The following GABRR3 variants were observed in gnomAD, a reference collection of about 807,000 sequenced individuals.
GABRR3 encodes the protein gamma-aminobutyric acid receptor subunit rho-3.
GABRR3 carries 29 observed loss-of-function variants against 43.2 expected under a neutral mutation model. That is an observed-to-expected ratio of 0.67 (90% CI 0.50 to 0.92). The LOEUF (loss-of-function observed/expected upper bound fraction) is 0.92. Ranked by LOEUF, GABRR3 falls within the 40% of genes least tolerant of loss-of-function variation. The pLI is 0.00. For synonymous variants in GABRR3, 206 were observed against 195.9 expected (o/e 1.05, Z -0.43); for missense variants, 576 against 572.3 (o/e 1.01, Z -0.07).
intron 7 of GABRR3, among the ~76,000 whole-genome samples, chr3:98,004,119 A>T (rs1706692027): frequency 6.6e-6 from 1 of 152,140 alleles, no homozygotes; most frequent in Admixed American, 6.6e-5. Flanking sequence ...GACAAGAATA[A>T]AGAAGGTTTT....
intron 3 of GABRR3, 77 bp from the exon 4 acceptor site, chr3:98,017,799 A>C: frequency 1.9e-6 from 2 of 1,038,486 alleles, no homozygotes; most frequent in Non-Finnish European, 1.4e-6. Flanking sequence ...AGAGAGATTA[A>C]TTCTCTTGGA....
chr3:98,005,557 G>A (rs1706714509), intron 7 of GABRR3, among the ~76,000 whole-genome samples: 1 of 152,102 alleles, frequency 6.6e-6, no homozygotes, highest in Non-Finnish European at 1.5e-5. Flanking sequence ...TTCCATGCCA[G>A]TATTTTCCTG....
chr3:98,011,401 G>A (rs555380005), intron 5 of GABRR3, among the ~76,000 whole-genome samples: 6 of 152,262 alleles, frequency 3.9e-5, no homozygotes, highest in Non-Finnish European at 7.4e-5. Context: ...TTAGCTCTAG[G>A]GGGAAAATCC....
intron 7 of GABRR3, among the ~76,000 whole-genome samples, chr3:98,004,565 T>C (rs1706699334): frequency 1.3e-5 from 2 of 151,826 alleles, no homozygotes; most frequent in South Asian, 4.1e-4. Context: ...TTATAGTGCA[T>C]GATTTTGAGA....
intron 7 of GABRR3, among the ~76,000 whole-genome samples, chr3:98,006,768 G>C: frequency 6.6e-6 from 1 of 152,224 alleles, no homozygotes; most frequent in Middle Eastern, 3.2e-3. Context: ...GGGAATGATA[G>C]TGGAGGGTGA....
At chr3:98,004,152 C>G (rs1449276822) in intron 7 of GABRR3, among the ~76,000 whole-genome samples, 1 of 152,064 alleles carries the variant, frequency 6.6e-6, no homozygotes, top group Non-Finnish European at 1.5e-5. Flanking sequence ...CAGTCACCTT[C>G]AATGGCCCTT....
intron 8 of GABRR3, chr3:97,998,493 C>A (rs1279784563): frequency 1.3e-5 from 2 of 152,116 alleles, no homozygotes; most frequent in Non-Finnish European, 2.9e-5. Flanking sequence ...GGATTGTAAT[C>A]TAACAGAGTA....
rs770533657 is a variant in GABRR3 at position 98,001,582 on chromosome 3, G to A, written c.907+33C>T. 5 of 1,610,132 alleles carry A rather than the reference G, an allele frequency of 3.1e-6. No individual in the cohort carries two copies. In the African/African-American group the frequency reaches 5.4e-5, roughly 17 times the overall value. Reference sequence around the variant, plus strand: ...TTACCTCCCTTGAACTTTCTCCCATGTTAACATTTTATAAAGATGGGGAAA... The same window carrying A: ...TTACCTCCCTTGAACTTTCTCCCATATTAACATTTTATAAAGATGGGGAAA... On this transcript the variant is annotated intron_variant, in intron 8 of 9. Transcript: ENST00000621172.
intron 9 of GABRR3, among the ~76,000 whole-genome samples, chr3:97,988,021 C>T (rs969492295): frequency 1.3e-5 from 2 of 151,898 alleles, no homozygotes; most frequent in African/African-American, 4.8e-5. Flanking sequence ...AGGAGTGAGG[C>T]AACACCAACA....
At chr3:98,000,568 T>C (rs1291612504) in intron 8 of GABRR3, 1 of 152,150 alleles carries the variant, frequency 6.6e-6, no homozygotes, top group Non-Finnish European at 1.5e-5. Context: ...ATTGAATATT[T>C]TAATAGGGAA....
intron 9 of GABRR3, among the ~76,000 whole-genome samples, chr3:97,989,410 A>T (rs1706433314): frequency 8.9e-6 from 1 of 112,536 alleles, no homozygotes; most frequent in Non-Finnish European, 1.8e-5. Context: ...AGTGGGTGGT[A>T]AGTGATGGGT....
intron 7 of GABRR3, among the ~76,000 whole-genome samples, chr3:98,007,205 G>A (rs767511267): frequency 6.6e-6 from 1 of 152,098 alleles, no homozygotes; most frequent in African/African-American, 2.4e-5. Context: ...GGAAAGCACT[G>A]TTTGAGAAGC....
intron 4 of GABRR3, among the ~76,000 whole-genome samples, chr3:98,015,597 G>A (rs973045625): frequency 1.3e-5 from 2 of 152,160 alleles, no homozygotes; most frequent in South Asian, 4.1e-4. Context: ...TTCATAAGCT[G>A]CATCTTACTA....
chr3:98,002,568 T>C (rs1406369230), intron 7 of GABRR3, among the ~76,000 whole-genome samples: 2 of 152,188 alleles, frequency 1.3e-5, no homozygotes, highest in African/African-American at 4.8e-5. Context: ...TATAATACCT[T>C]ATCCTTGTTT....
intron 7 of GABRR3, 103 bp from the exon 8 acceptor site, chr3:98,001,870 C>A: frequency 8.0e-7 from 1 of 1,244,266 alleles, no homozygotes; most frequent in Non-Finnish European, 1.1e-6. Context: ...CTTGGGGACA[C>A]GGAATTTGAC....
chr3:97,999,929 T>C (rs1706614821), intron 8 of GABRR3: 1 of 151,916 alleles, frequency 6.6e-6, no homozygotes, highest in South Asian at 2.1e-4. Flanking sequence ...GAAAAGGTAA[T>C]TGGGACAGAT....
chr3:98,012,341 T>C lies in GABRR3; in HGVS notation c.530+3A>G. 1 of 1,612,202 alleles carries C rather than the reference T, an allele frequency of 6.2e-7. No homozygotes were observed. The highest frequency in any genetic ancestry group is 1.3e-5 in the African/African-American group (1 of 74,982). On this transcript the variant is annotated splice_donor_region_variant and intron_variant, in intron 5 of 9. Transcript: ENST00000621172. Reference sequence around the variant, plus strand: ...GCCAAAGGCGATAGGCAGCTTTCCTTACCTGAGACTTAGGAGGACGTTTCC... The same window carrying C: ...GCCAAAGGCGATAGGCAGCTTTCCTCACCTGAGACTTAGGAGGACGTTTCC...
At chr3:98,006,074 T>A (rs1706721374) in intron 7 of GABRR3, among the ~76,000 whole-genome samples, 1 of 152,046 alleles carries the variant, frequency 6.6e-6, no homozygotes. Context: ...GATAAATATA[T>A]GCCTATATTT....
At chr3:98,027,947 TA>T (rs1008413502) in intron 2 of GABRR3, among the ~76,000 whole-genome samples, 12 of 151,872 alleles carry the variant, frequency 7.9e-5, no homozygotes, top group African/African-American at 2.2e-4. Flanking sequence ...ATTCTTTTTT[TA>T]AAAAAAACTA....
Sources: gnomAD v4.1 joint callset for allele counts (sites outside exome capture counted in the v4.1 genomes callset) on GRCh38, gnomAD v4.1.1 for gene constraint, MANE v1.5 for transcripts, NCBI Gene and HGNC (gene_info 2026-07-23, HGNC 2026-07-21) for gene names.